POLR3E: variants seen among roughly 807,000 people sequenced by gnomAD.
POLR3E encodes DNA-directed RNA polymerase III subunit RPC5.
In POLR3E, 41 loss-of-function variants were observed where a neutral mutation model predicts 96.6. The ratio of observed to expected loss-of-function variants is 0.42; its 90% confidence interval spans 0.33 to 0.55. POLR3E has a LOEUF of 0.55. Ranked by LOEUF, POLR3E falls within the 20% of genes least tolerant of loss-of-function variation. The pLI is 0.06. For synonymous variants in POLR3E, 396 were observed against 383.6 expected, an observed-to-expected ratio of 1.03 and a Z score of -0.38; for missense variants, 849 against 952.1, an observed-to-expected ratio of 0.89 and a Z score of 1.43.
At chr16:22,312,897 A>AC (rs2048277828) in intron 6 of POLR3E, among the ~76,000 whole-genome samples, 3 of 151,466 alleles carry the variant, frequency 2.0e-5, no homozygotes, top group Admixed American at 6.6e-5. Context: ...AAAAAAAAAA[A>AC]CAGTAAAGTG....
intron 6 of POLR3E, 53 bp downstream of exon 6, chr16:22,309,563 G>T: frequency 7.9e-7 from 1 of 1,267,136 alleles, no homozygotes; most frequent in Non-Finnish European, 1.2e-6. Context: ...GGGGGGCTGG[G>T]CAGGGAGAGT....
chr16:22,330,032 A>G (rs2048702365), intron 19 of POLR3E, among the ~76,000 whole-genome samples: 1 of 149,892 alleles, frequency 6.7e-6, no homozygotes, highest in Non-Finnish European at 1.5e-5. Context: ...ATTTTAGGAG[A>G]CTGTAGAGAT....
At chr16:22,323,308 C>A (rs1421807473) in intron 14 of POLR3E, among the ~76,000 whole-genome samples, 2 of 152,144 alleles carry the variant, frequency 1.3e-5, no homozygotes, top group East Asian at 3.8e-4. Context: ...GGGGCCACTT[C>A]CCCACAAGGC....
chr16:22,317,269 CTG>C (rs2048376887), intron 12 of POLR3E, 63 bp downstream of exon 12: 2 of 1,225,914 alleles, frequency 1.6e-6, no homozygotes, highest in African/African-American at 1.5e-5. Context: ...GGAATGGACT[CTG>C]TGGGACAGTG....
Position 22,314,129 on chromosome 16 carries a change from G to T in POLR3E, c.522+1G>T. 1.2e-6 allele frequency: 2 copies of T among 1,613,610 alleles called. No homozygotes were observed. The highest frequency in any genetic ancestry group is 1.7e-6 in the Non-Finnish European group (2 of 1,179,624). ...GGAAGACGATGTTAAGCAGATCACG[G>T]TGAGCCCTGGCCCCTGGAGGAGGAG... On this transcript the variant is annotated splice_donor_variant, in intron 8 of 20. Coordinates refer to ENST00000299853, the MANE Select transcript of POLR3E (RefSeq NM_018119.4). LOFTEE classifies it high-confidence loss of function.
chr16:22,326,093 G>C lies in POLR3E; in HGVS notation c.1681G>C (p.Glu561Gln). 1 of 1,613,578 alleles carries C rather than the reference G, an allele frequency of 6.2e-7. No individual in the cohort carries two copies. The highest frequency in any genetic ancestry group is 8.5e-7 in the Non-Finnish European group (1 of 1,179,814). The change falls in exon 18 of 21, where the codon GAA becomes CAA. Residue 561 changes from glutamate (E) to glutamine (Q), a missense_variant. Coordinates refer to ENST00000299853, the MANE Select transcript of POLR3E (RefSeq NM_018119.4). The stretch of plus-strand genomic sequence containing the variant: ...CTGCGCCAGCACCCCTGTGGCTCGG[G>C]AACTGAAGGCCTTCGTGGAGGCCAC... The part of the protein sequence containing the change: ...QGCASTPVAR[E>Q]LKAFVEATFQ...
At position 22,297,481 on chromosome 16, in the gene POLR3E, T is replaced by G. The variant is rs2047915467; in HGVS notation, c.-95T>G. 1 of 152,514 alleles carries G rather than the reference T, an allele frequency of 6.6e-6. No individual in the cohort carries two copies. The highest frequency in any genetic ancestry group is 2.4e-5 in the African/African-American group (1 of 41,468). 9.4% of individuals were successfully genotyped at this position (152,514 alleles called of 1,614,324 possible). A position where few individuals can be genotyped will look rare whatever the true frequency, so the allele number is the denominator to read the frequency against. Reference sequence around the variant, plus strand: ...AGGAGAGCCGGGCCGCCGCCGTCTCTGCAGCCCGCGGGTAACTGGGCCGTT... The same window carrying G: ...AGGAGAGCCGGGCCGCCGCCGTCTCGGCAGCCCGCGGGTAACTGGGCCGTT... On this transcript the variant is annotated 5_prime_UTR_variant, in exon 1 of 21. Transcript: ENST00000299853.
intron 1 of POLR3E, among the ~76,000 whole-genome samples, chr16:22,298,643 A>T (rs1204419487): frequency 6.6e-6 from 1 of 152,232 alleles, no homozygotes; most frequent in South Asian, 2.1e-4. Flanking sequence ...ACCGTGCAGT[A>T]TAGTGGTTAA....
At chr16:22,324,267 G>A (rs758145891) in intron 14 of POLR3E, 87 bp from the exon 15 acceptor site, 3 of 1,082,950 alleles carry the variant, frequency 2.8e-6, no homozygotes, top group Non-Finnish European at 4.3e-6. Context: ...CCAGGCTCCA[G>A]CTCCCAGGCC....
chr16:22,327,865 C>G (rs950500531), intron 18 of POLR3E: 2 of 152,292 alleles, frequency 1.3e-5, no homozygotes, highest in Non-Finnish European at 2.9e-5. Context: ...AGGGCTTTTA[C>G]TGGTAGTAAC....
chr16:22,308,023 T>G, intron 3 of POLR3E, 125 bp from the exon 4 acceptor site: 1 of 693,294 alleles, frequency 1.4e-6, no homozygotes, highest in Admixed American at 2.1e-5. Context: ...GCTTGTACCC[T>G]TGTGGTAGGG....
At chr16:22,320,639 A>G (rs1388244010) in intron 13 of POLR3E, among the ~76,000 whole-genome samples, 1 of 152,122 alleles carries the variant, frequency 6.6e-6, no homozygotes, top group African/African-American at 2.4e-5. Flanking sequence ...CTTTACTCGC[A>G]TGTTTATAAT....
Position 22,328,510 on chromosome 16 carries a change from T to G in POLR3E, c.1867T>G (p.Phe623Val). 2 of 1,613,798 alleles carry G rather than the reference T, an allele frequency of 1.2e-6. No homozygotes were observed. Among genetic ancestry groups the G allele is most frequent in the Non-Finnish European group, 1.7e-6 (2 of 1,179,766 alleles). The change falls in exon 19 of 21, where the codon TTT (phenylalanine) becomes GTT (valine). Residue 623 changes from phenylalanine (F) to valine (V), a missense_variant and splice_region_variant. Transcript: ENST00000299853. ...AAGCKQILVPFPPQTAASPDE... is the reference protein window; with the variant it reads ...AAGCKQILVPVPPQTAASPDE... ...CAACTCACCCCTGGGCCTTGGTCAG[T>G]TTCCCCCCCAGACTGCTGCTTCCCC...
At chr16:22,312,068 G>A (rs1011481022) in intron 6 of POLR3E, among the ~76,000 whole-genome samples, 1 of 152,212 alleles carries the variant, frequency 6.6e-6, no homozygotes, top group African/African-American at 2.4e-5. Flanking sequence ...AATGTACAGA[G>A]GCAGAAAGTA....
intron 6 of POLR3E, 50 bp downstream of exon 6, chr16:22,309,560 T>A: frequency 8.9e-7 from 1 of 1,120,748 alleles, no homozygotes. Context: ...TGGGGGGGGC[T>A]GGGCAGGGAG....
intron 4 of POLR3E, chr16:22,308,525 G>A (rs1295060262): frequency 3.7e-5 from 18 of 485,262 alleles, no homozygotes; most frequent in Non-Finnish European, 6.4e-5. Flanking sequence ...AGAGAATCTA[G>A]CGCCTATCCA....
chr16:22,301,664 G>A (rs995564444), intron 1 of POLR3E, among the ~76,000 whole-genome samples: 2 of 152,124 alleles, frequency 1.3e-5, no homozygotes, highest in Admixed American at 6.5e-5. Context: ...AGTGGCTCAC[G>A]CCTGTAATCC....
At chr16:22,326,550 C>A in intron 18 of POLR3E, 1 of 541,698 alleles carries the variant, frequency 1.8e-6, no homozygotes, top group South Asian at 2.1e-5. Context: ...CCTAGTGAAA[C>A]AGGGCCCCTG....
chr16:22,315,041 C>T (rs1321667251), intron 8 of POLR3E, 48 bp from the exon 9 acceptor site: 1 of 1,599,478 alleles, frequency 6.3e-7, no homozygotes, highest in Non-Finnish European at 8.5e-7. Context: ...GGCAGTCCAG[C>T]AAGGGTCACA....
Sources: allele counts gnomAD v4.1 joint callset (sites outside exome capture counted in the v4.1 genomes callset), GRCh38; gene constraint gnomAD v4.1.1; transcripts MANE v1.5; gene names NCBI Gene and HGNC (gene_info 2026-07-23, HGNC 2026-07-21).